Variants in POLD3 observed in about 807,000 individuals in gnomAD.
POLD3 encodes DNA polymerase delta subunit 3.
Under a neutral mutation model 58.2 loss-of-function variants are expected in POLD3, and 19 were observed. The ratio of observed to expected loss-of-function variants is 0.33; its 90% CI spans 0.23 to 0.48. The LOEUF (loss-of-function observed/expected upper bound fraction) is 0.48. POLD3 is among the 20% of genes least tolerant of loss of function. POLD3 has a pLI of 0.99. For missense variants in POLD3, 504 were observed against 545.5 expected (o/e 0.92, Z 0.76); for synonymous variants, 172 against 193.5 (o/e 0.89, Z 0.92).
At chr11:74,609,366 ATATATATTTTTTTTTT>A (rs1309417699) in intron 3 of POLD3, among the ~76,000 whole-genome samples, 14 of 42,566 alleles carry the variant, frequency 3.3e-4, no homozygotes, top group South Asian at 9.5e-4. Context: ...ATATATATAT[ATATATATTTTTTTTTT>A]TTTTTTTTTT....
chr11:74,616,552 T>C (rs1037656747), intron 5 of POLD3, among the ~76,000 whole-genome samples: 1 of 152,216 alleles, frequency 6.6e-6, no homozygotes, highest in Non-Finnish European at 1.5e-5. Flanking sequence ...AATAAAACAT[T>C]ACTCTTTTCC....
chr11:74,639,761 G>C (rs957289308), intron 11 of POLD3, among the ~76,000 whole-genome samples: 1 of 152,206 alleles, frequency 6.6e-6, no homozygotes, highest in South Asian at 2.1e-4. Context: ...AGTTTCCCTT[G>C]GGAAGGGTTC....
chr11:74,659,215 G>A (rs2033175746), intron 4 of POLD3, among the ~76,000 whole-genome samples: 3 of 152,210 alleles, frequency 2.0e-5, no homozygotes. Flanking sequence ...AGCCTGAGCT[G>A]TACATTGGCC....
In POLD3 at chr11:74,592,815, G is replaced by T. The variant is rs2031081150; in HGVS notation, c.60+97G>T. On this transcript the variant is annotated intron_variant, in intron 1 of 11. Coordinates refer to ENST00000263681, the MANE Select transcript of POLD3 (RefSeq NM_006591.3). ...TGACCCTCTGTCTGCTTGTGGCTTCGTGGGGACCAGGGGAGACAGGTCCCC... is the reference window on the plus strand; with the variant it reads ...TGACCCTCTGTCTGCTTGTGGCTTCTTGGGGACCAGGGGAGACAGGTCCCC... 9.6e-6 allele frequency: 15 copies of T among 1,563,066 alleles called. No homozygotes were observed. The South Asian group carries it at 1.5e-4, about 16-fold the overall frequency.
chr11:74,611,478 TA>T lies in POLD3; in HGVS notation c.220-18del. The stretch of plus-strand genomic sequence containing the variant: ...TGCAGATTCTTACATTAAGCACTAA[TA>T]AAGTGTTATTTTCTTACAGTGCCAC... On this transcript the variant is annotated intron_variant, in intron 3 of 11. Coordinates refer to ENST00000263681, the MANE Select transcript of POLD3 (RefSeq NM_006591.3). 1.4e-6 allele frequency: 2 copies of T among 1,465,812 alleles called. No homozygotes were observed. Among genetic ancestry groups the T allele is most frequent in the Non-Finnish European group, 1.9e-6 (2 of 1,054,050 alleles). The allele number at this position is 1,465,812 out of a possible 1,614,324, so 90.8% of individuals were successfully genotyped here.
At chr11:74,592,795 C>G in intron 1 of POLD3, 77 bp downstream of exon 1, 1 of 1,586,938 alleles carries the variant, frequency 6.3e-7, no homozygotes, top group Non-Finnish European at 8.6e-7. Context: ...AGCCTTGACC[C>G]TCTGTCTGCT....
At chr11:74,636,411 T>C in intron 11 of POLD3, 136 bp downstream of exon 11, 1 of 778,534 alleles carries the variant, frequency 1.3e-6, no homozygotes, top group Non-Finnish European at 2.1e-6. Context: ...CTGATGCTGT[T>C]TGTCTATGGC....
chr11:74,636,107 G>A, intron 10 of POLD3, 90 bp from the exon 11 acceptor site: 1 of 1,200,296 alleles, frequency 8.3e-7, no homozygotes, highest in Non-Finnish European at 1.2e-6. Flanking sequence ...TGGAGTATTG[G>A]AGAGTGATTA....
chr11:74,643,237 T>G (rs1237495792), downstream of POLD3, among the ~76,000 whole-genome samples: 1 of 152,222 alleles, frequency 6.6e-6, no homozygotes, highest in Non-Finnish European at 1.5e-5. Context: ...TCAGTCATTC[T>G]GGCTGTACAT....
At chr11:74,618,175 G>C (rs991618936) in intron 5 of POLD3, among the ~76,000 whole-genome samples, 2 of 152,088 alleles carry the variant, frequency 1.3e-5, no homozygotes, top group African/African-American at 4.8e-5. Context: ...TGAAATTACT[G>C]CATCTTTTAT....
intron 9 of POLD3, among the ~76,000 whole-genome samples, chr11:74,632,759 T>G (rs2032629262): frequency 6.6e-6 from 1 of 152,108 alleles, no homozygotes; most frequent in African/African-American, 2.4e-5. Context: ...TTATCAACAG[T>G]GTTTCTCTCA....
At chr11:74,648,720 A>G (rs1483810123) in intron 4 of POLD3, among the ~76,000 whole-genome samples, 1 of 152,200 alleles carries the variant, frequency 6.6e-6, no homozygotes, top group East Asian at 1.9e-4. Flanking sequence ...GGTCTTTGCT[A>G]AGTAGTTTAG....
At chr11:74,594,908 A>G (rs988941125) in intron 2 of POLD3, among the ~76,000 whole-genome samples, 4 of 152,174 alleles carry the variant, frequency 2.6e-5, no homozygotes, top group African/African-American at 9.7e-5. Flanking sequence ...TAATTCAGTT[A>G]TCTCCACCTG....
chr11:74,597,376 T>C (rs1209151443), intron 2 of POLD3, among the ~76,000 whole-genome samples: 1 of 152,222 alleles, frequency 6.6e-6, no homozygotes, highest in Admixed American at 6.5e-5. Flanking sequence ...GCACTTATAT[T>C]TAATTCTGTA....
chr11:74,629,212 A>C lies in POLD3; in HGVS notation c.900-5A>C, dbSNP rs765359194. 1.9e-6 allele frequency: 3 copies of C among 1,555,716 alleles called. No individual in the cohort carries two copies. Among genetic ancestry groups the C allele is most frequent in the Non-Finnish European group, 2.6e-6 (3 of 1,135,630 alleles). On this transcript the variant is annotated splice_polypyrimidine_tract_variant and splice_region_variant and intron_variant, in intron 8 of 11. Coordinates refer to ENST00000263681, the MANE Select transcript of POLD3 (RefSeq NM_006591.3). ...CACGCTTAATTTATTTCTGGATGGC[A>C]ACAGGGGGAAGCGAGTAGCATTATC...
At chr11:74,638,541 C>T in intron 11 of POLD3, 1 of 446,448 alleles carries the variant, frequency 2.2e-6, no homozygotes, top group South Asian at 1.6e-5. Flanking sequence ...CTGTAGATGG[C>T]TCTTCAGACT....
intron 2 of POLD3, among the ~76,000 whole-genome samples, chr11:74,599,357 T>C (rs2031397470): frequency 7.1e-6 from 1 of 141,742 alleles, no homozygotes; most frequent in Non-Finnish European, 1.5e-5. Flanking sequence ...CACAAACATT[T>C]CTCTCAAGTA....
chr11:74,609,064 G>A (rs1016086666), intron 3 of POLD3, among the ~76,000 whole-genome samples: 8 of 151,798 alleles, frequency 5.3e-5, no homozygotes, highest in African/African-American at 1.9e-4. Context: ...ACAAATACAC[G>A]AGGTTTAGAA....
At chr11:74,594,777 A>C (rs2031166543) in intron 2 of POLD3, among the ~76,000 whole-genome samples, 1 of 152,218 alleles carries the variant, frequency 6.6e-6, no homozygotes, top group Non-Finnish European at 1.5e-5. Context: ...GGCGGAAGGC[A>C]TCTCTTCACA....
Sources: gnomAD v4.1 joint callset for allele counts (sites outside exome capture counted in the v4.1 genomes callset) on GRCh38, gnomAD v4.1.1 for gene constraint, MANE v1.5 for transcripts, NCBI Gene and HGNC (gene_info 2026-07-23, HGNC 2026-07-21) for gene names.